The following PCDH15 variants were observed in gnomAD, a reference collection of about 807,000 sequenced individuals.
PCDH15 encodes the protein protocadherin related 15.
A neutral mutation model predicts 178.5 loss-of-function variants in PCDH15; 129 were observed. The ratio of observed to expected loss-of-function variants is 0.72; its 90% CI spans 0.63 to 0.84. The LOEUF (loss-of-function observed/expected upper bound fraction) is 0.84, where lower values mean the gene tolerates loss of function less well. Ranked by LOEUF, PCDH15 falls within the 40% of genes least tolerant of loss-of-function variation. The pLI is 0.00. For missense variants in PCDH15, 2,230 were observed against 2,099.9 expected, an observed-to-expected ratio of 1.06 and a Z score of -1.21; for synonymous variants, 800 against 732.0, an observed-to-expected ratio of 1.09 and a Z score of -1.50.
chr10:54,056,776 G>A (rs997845847), intron 18 of PCDH15, among the ~76,000 whole-genome samples: 11 of 151,996 alleles, frequency 7.2e-5, no homozygotes, highest in East Asian at 1.9e-4. Flanking sequence ...GTTGAAGTCC[G>A]AAGTCTTATC....
chr10:55,497,135 T>C (rs1198962781), intron 2 of PCDH15, among the ~76,000 whole-genome samples: 1 of 151,770 alleles, frequency 6.6e-6, no homozygotes, highest in East Asian at 1.9e-4. Flanking sequence ...ATTTTACATG[T>C]AATTTTTTCT....
At position 55,539,946 on chromosome 10, in the gene PCDH15, T is replaced by C. The variant is rs989144028; in HGVS notation, c.-156+87679A>G. ...AGTTACTGTCATTGGTCTCATTACT[T>C]AAAACAGGAGACAGAGGCATGAAGT... On this transcript the variant is annotated intron_variant, in intron 2 of 5. Coordinates refer to the PCDH15 transcript ENST00000613346. Among the ~76,000 whole-genome samples, 5 of 152,196 alleles carry C rather than the reference T, an allele frequency of 3.3e-5. No individual in the cohort carries two copies. In the East Asian group the frequency reaches 9.6e-4, roughly 29 times the overall value.
intron 34 of PCDH15, 64 bp from the exon 35 acceptor site, chr10:53,816,341 T>C (rs2076058218): frequency 5.0e-6 from 2 of 398,154 alleles, no homozygotes; most frequent in South Asian, 1.3e-4. Context: ...AGGTAGATCA[T>C]GATTGAGAAG....
intron 2 of PCDH15, among the ~76,000 whole-genome samples, chr10:55,396,995 T>C (rs1443029690): frequency 2.6e-5 from 4 of 152,136 alleles, no homozygotes; most frequent in Non-Finnish European, 5.9e-5. Context: ...TCCTTAGAAA[T>C]AGAATGTTTC....
At chr10:53,840,679 A>G (rs981529865) in intron 28 of PCDH15, among the ~76,000 whole-genome samples, 183 bp from the exon 29 acceptor site, 8 of 152,218 alleles carry the variant, frequency 5.3e-5, no homozygotes, top group African/African-American at 1.9e-4. Flanking sequence ...TTAGCTCCCA[A>G]TGATGCTAGA....
intron 1 of PCDH15, among the ~76,000 whole-genome samples, chr10:55,231,652 T>C (rs546601607): frequency 2.0e-5 from 3 of 151,968 alleles, no homozygotes; most frequent in Non-Finnish European, 4.4e-5. Flanking sequence ...TGATCAAATT[T>C]GTTTTTAGAT....
intron 1 of PCDH15, among the ~76,000 whole-genome samples, chr10:55,210,878 G>C (rs1315734625): frequency 6.6e-6 from 1 of 151,526 alleles, no homozygotes; most frequent in Non-Finnish European, 1.5e-5. Context: ...CGCCCGCCTC[G>C]GCCTCCCAAA....
At chr10:53,920,449 T>C (rs1454617991) in intron 25 of PCDH15, among the ~76,000 whole-genome samples, 2 of 152,036 alleles carry the variant, frequency 1.3e-5, no homozygotes, top group Non-Finnish European at 2.9e-5. Context: ...GAAAAAGATA[T>C]ATAATTTAAA....
chr10:55,373,782 G>C (rs1175657186), intron 2 of PCDH15, among the ~76,000 whole-genome samples: 1 of 151,944 alleles, frequency 6.6e-6, no homozygotes, highest in Non-Finnish European at 1.5e-5. Context: ...TTTTCTTCTA[G>C]GGATTTTATG....
chr10:54,126,686 T>C (rs2042017125), intron 15 of PCDH15, among the ~76,000 whole-genome samples: 1 of 151,852 alleles, frequency 6.6e-6, no homozygotes, highest in Admixed American at 6.6e-5. Context: ...GGCTTTATAC[T>C]TAACATAAAT....
intron 26 of PCDH15, among the ~76,000 whole-genome samples, chr10:53,900,010 T>A (rs1366852024): frequency 2.0e-5 from 3 of 152,170 alleles, no homozygotes; most frequent in Non-Finnish European, 4.4e-5. Context: ...CTCACATATG[T>A]TTCACTTTGG....
At chr10:54,524,547 G>A (rs945615365) in intron 3 of PCDH15, among the ~76,000 whole-genome samples, 2 of 152,182 alleles carry the variant, frequency 1.3e-5, no homozygotes, top group Admixed American at 6.5e-5. Flanking sequence ...AGTAGTCCCA[G>A]AGTAACTGTC....
intron 26 of PCDH15, among the ~76,000 whole-genome samples, chr10:53,878,004 A>G (rs1244019428): frequency 6.6e-6 from 1 of 152,044 alleles, no homozygotes. Context: ...ATTAAAGTTC[A>G]TGATTCCAAC....
At chr10:55,186,114 T>C (rs1189189696) in intron 1 of PCDH15, among the ~76,000 whole-genome samples, 1 of 151,582 alleles carries the variant, frequency 6.6e-6, no homozygotes, top group Non-Finnish European at 1.5e-5. Context: ...GACTGAAGCC[T>C]ATTTGAGTAA....
chr10:55,453,627 C>T (rs1470563158), intron 2 of PCDH15, among the ~76,000 whole-genome samples: 1 of 151,994 alleles, frequency 6.6e-6, no homozygotes, highest in Non-Finnish European at 1.5e-5. Context: ...ATGTTTACTT[C>T]TCAGTCCCAT....
At chr10:54,787,103 T>G (rs865795687) in intron 1 of PCDH15, among the ~76,000 whole-genome samples, 2 of 151,948 alleles carry the variant, frequency 1.3e-5, no homozygotes, top group African/African-American at 4.8e-5. Flanking sequence ...CTAAAAAACT[T>G]GATCTTGCTG....
At chr10:55,548,381 C>A (rs1841937206) in intron 2 of PCDH15, among the ~76,000 whole-genome samples, 1 of 152,018 alleles carries the variant, frequency 6.6e-6, no homozygotes, top group Non-Finnish European at 1.5e-5. Flanking sequence ...TGAGGGTATA[C>A]TGTAAATGCC....
chr10:53,958,851 C>T (rs1484030357), intron 23 of PCDH15, among the ~76,000 whole-genome samples: 1 of 151,510 alleles, frequency 6.6e-6, no homozygotes, highest in Non-Finnish European at 1.5e-5. Context: ...TGGTGGTGGG[C>T]ACCTGTAGTC....
chr10:55,001,038 G>A (rs553016050), intron 2 of PCDH15, among the ~76,000 whole-genome samples: 26 of 152,132 alleles, frequency 1.7e-4, no homozygotes, highest in Non-Finnish European at 3.2e-4. Context: ...CCTGCCTGAG[G>A]AAAGGAGCTA....
Sources: allele counts gnomAD v4.1 joint callset (sites outside exome capture counted in the v4.1 genomes callset), GRCh38; gene constraint gnomAD v4.1.1; transcripts MANE v1.5; gene names NCBI Gene and HGNC (gene_info 2026-07-23, HGNC 2026-07-21).